TRHDE: variants seen among roughly 807,000 people sequenced by gnomAD.
The protein encoded by TRHDE is thyrotropin releasing hormone degrading enzyme, also known as thyrotropin-releasing hormone-degrading ectoenzyme.
In TRHDE, 72 loss-of-function variants were observed where a neutral mutation model predicts 125.7. That is an observed-to-expected ratio of 0.57 (90% CI 0.47 to 0.70). The LOEUF is 0.70. Ranked by LOEUF, TRHDE falls within the 30% of genes least tolerant of loss-of-function variation. TRHDE has a pLI of 0.00. For missense variants in TRHDE, 1,110 were observed against 1,327.1 expected (o/e 0.84, Z 2.54); for synonymous variants, 509 against 509.1 (o/e 1.00, Z 0.00).
At chr12:72,623,570 A>G (rs568385943) in intron 15 of TRHDE, among the ~76,000 whole-genome samples, 68 of 152,240 alleles carry the variant, frequency 4.5e-4, no homozygotes, top group African/African-American at 1.6e-3. Flanking sequence ...AGTGGATCTT[A>G]ACATTCATAG....
At chr12:72,264,346 G>A (rs894552148) in intron 2 of TRHDE, 3 of 151,974 alleles carry the variant, frequency 2.0e-5, no homozygotes, top group African/African-American at 7.2e-5. Flanking sequence ...AGATATGGGA[G>A]CTTTTTCTAA....
intron 3 of TRHDE, among the ~76,000 whole-genome samples, chr12:72,465,285 C>A (rs541647480): frequency 6.6e-6 from 1 of 151,928 alleles, no homozygotes; most frequent in African/African-American, 2.4e-5. Flanking sequence ...CAGTTTGGTG[C>A]CTTAACACAT....
intron 6 of TRHDE, among the ~76,000 whole-genome samples, chr12:72,539,436 A>G (rs1869033827): frequency 1.3e-5 from 2 of 151,878 alleles, no homozygotes; most frequent in South Asian, 2.1e-4. Flanking sequence ...TAGCTCCTCT[A>G]CAAGAACACA....
At chr12:72,301,960 T>A (rs940519659) in intron 2 of TRHDE, among the ~76,000 whole-genome samples, 1 of 152,190 alleles carries the variant, frequency 6.6e-6, no homozygotes, top group African/African-American at 2.4e-5. Flanking sequence ...TACTGCTAGA[T>A]CTCCCAGCAT....
intron 15 of TRHDE, among the ~76,000 whole-genome samples, chr12:72,650,648 T>G (rs949551829): frequency 6.6e-6 from 1 of 152,032 alleles, no homozygotes; most frequent in Admixed American, 6.6e-5. Context: ...ATTAAGGAAA[T>G]GTACATTGAT....
At position 72,565,515 on chromosome 12, in the gene TRHDE, G is replaced by GCCTT. The variant is rs574492576; in HGVS notation, c.2042+2476_2042+2479dup. ...ACTTGGGAAGTTGTGAATTTGCGTAGCCTTTTTCATTATACAGTTAATGCA... is the reference window on the plus strand; with the variant it reads ...ACTTGGGAAGTTGTGAATTTGCGTAGCCTTCCTTTTTCATTATACAGTTAATGCA... On this transcript the variant is annotated intron_variant, in intron 9 of 18. Coordinates refer to ENST00000261180, the MANE Select transcript of TRHDE (RefSeq NM_013381.3). 8.7e-4 allele frequency among the ~76,000 whole-genome samples: 133 copies of GCCTT among 152,226 alleles called. 1 individual carries two copies. Among genetic ancestry groups the GCCTT allele is most frequent in the African/African-American group, 3.1e-3 (130 of 41,528 alleles).
intron 6 of TRHDE, among the ~76,000 whole-genome samples, chr12:72,522,223 A>G (rs941626369): frequency 6.6e-6 from 1 of 152,160 alleles, no homozygotes; most frequent in African/African-American, 2.4e-5. Context: ...AGACTGCTTA[A>G]CCTTTGATTT....
At chr12:72,171,752 GA>G (rs1374401379) in intron 2 of TRHDE, among the ~76,000 whole-genome samples, 2 of 152,308 alleles carry the variant, frequency 1.3e-5, no homozygotes, top group East Asian at 3.9e-4. Context: ...GTGTCTTAGT[GA>G]CTAAGAATGC....
At chr12:72,182,916 G>A (rs1000116855) in intron 2 of TRHDE, among the ~76,000 whole-genome samples, 2 of 152,088 alleles carry the variant, frequency 1.3e-5, no homozygotes, top group African/African-American at 4.8e-5. Context: ...ATATTGTCTT[G>A]GAACCAGTGT....
intron 2 of TRHDE, among the ~76,000 whole-genome samples, chr12:72,326,077 T>C (rs1869326250): frequency 6.6e-6 from 1 of 152,178 alleles, no homozygotes; most frequent in Non-Finnish European, 1.5e-5. Flanking sequence ...GGGTCTTTTC[T>C]TTTTCTTAAC....
At chr12:72,523,241 T>C (rs1033333867) in intron 6 of TRHDE, among the ~76,000 whole-genome samples, 5 of 152,254 alleles carry the variant, frequency 3.3e-5, no homozygotes, top group Admixed American at 3.3e-4. Flanking sequence ...GAAAGTTAAG[T>C]TACTTTTAAT....
chr12:72,343,352 A>T (rs901021259), intron 2 of TRHDE, among the ~76,000 whole-genome samples: 1 of 152,084 alleles, frequency 6.6e-6, no homozygotes, highest in African/African-American at 2.4e-5. Flanking sequence ...CCGTTTATAT[A>T]TGCAAATTTT....
intron 2 of TRHDE, among the ~76,000 whole-genome samples, chr12:72,360,771 G>T (rs895070636): frequency 9.9e-5 from 15 of 151,726 alleles, no homozygotes; most frequent in African/African-American, 3.6e-4. Context: ...GAGCAGGAGG[G>T]ATGGGAATCG....
chr12:72,586,075 A>G (rs1227925073), intron 12 of TRHDE, among the ~76,000 whole-genome samples: 1 of 152,178 alleles, frequency 6.6e-6, no homozygotes, highest in Non-Finnish European at 1.5e-5. Context: ...AGAGCTGCTC[A>G]TATTTTTTAT....
At chr12:72,345,666 G>A (rs1280942947) in intron 2 of TRHDE, among the ~76,000 whole-genome samples, 1 of 152,060 alleles carries the variant, frequency 6.6e-6, no homozygotes, top group Non-Finnish European at 1.5e-5. Flanking sequence ...GTTTGGTCAT[G>A]GGATTTGTGT....
chr12:72,273,203 C>T lies in TRHDE; in HGVS notation c.560C>T (p.Ser187Leu), dbSNP rs202199051. ...PWEPWTQLRL[S>L]GHLKPLHYNL... is the part of the protein sequence containing the mutation. ...GAGCCGTGGACGCAGCTGCGCCTGT[C>T]GGGCCACCTGAAGCCGCTGCACTAC... The change falls in exon 1 of 19, where the codon TCG (serine) becomes TTG (leucine). Residue 187 changes from serine to leucine, a missense_variant. Coordinates refer to ENST00000261180, the MANE Select transcript of TRHDE (RefSeq NM_013381.3). This position sits in a 1 kb window ranked among gnomAD's most constrained non-coding sequence, Gnocchi z 5.3. 7 of 1,603,200 alleles carry T rather than the reference C, an allele frequency of 4.4e-6. No homozygotes were observed. Among genetic ancestry groups the T allele is most frequent in the Non-Finnish European group, 6.0e-6 (7 of 1,172,222 alleles).
chr12:72,514,605 G>C (rs907133002), intron 6 of TRHDE, among the ~76,000 whole-genome samples: 2 of 151,702 alleles, frequency 1.3e-5, no homozygotes, highest in African/African-American at 2.4e-5. Flanking sequence ...ATGGATTCAA[G>C]CCTTAACTAC....
At chr12:72,645,669 TTATAA>T (rs1402683917) in intron 15 of TRHDE, among the ~76,000 whole-genome samples, 1 of 151,956 alleles carries the variant, frequency 6.6e-6, no homozygotes, top group Non-Finnish European at 1.5e-5. Context: ...TCAAGACACA[TTATAA>T]TTAAATTGGC....
At chr12:72,391,269 T>A (rs1487386197) in intron 3 of TRHDE, among the ~76,000 whole-genome samples, 1 of 152,182 alleles carries the variant, frequency 6.6e-6, no homozygotes, top group Non-Finnish European at 1.5e-5. Flanking sequence ...GCTGCTCATA[T>A]ACTTTGAAAT....
Sources: allele counts gnomAD v4.1 joint callset (sites outside exome capture counted in the v4.1 genomes callset), GRCh38; gene constraint gnomAD v4.1.1; non-coding constraint Gnocchi (gnomAD v3.1); transcripts MANE v1.5; gene names NCBI Gene and HGNC (gene_info 2026-07-23, HGNC 2026-07-21).